The following ME3 variants were observed in gnomAD, a reference collection of about 807,000 sequenced individuals.
The protein encoded by ME3 is malic enzyme 3.
Under a neutral mutation model 68.9 loss-of-function variants are expected in ME3, and 48 were observed. That is an observed-to-expected ratio of 0.70 (90% CI 0.55 to 0.89). The LOEUF (loss-of-function observed/expected upper bound fraction) is 0.89. Ranked by LOEUF, ME3 falls within the 40% of genes least tolerant of loss-of-function variation. ME3 has a pLI of 0.00. For synonymous variants in ME3, 320 were observed against 318.8 expected (o/e 1.00, Z -0.04); for missense variants, 675 against 797.4 (o/e 0.85, Z 1.85).
At chr11:86,512,098 C>T (rs998389001) in intron 4 of ME3, among the ~76,000 whole-genome samples, 1 of 152,302 alleles carries the variant, frequency 6.6e-6, no homozygotes, top group Middle Eastern at 3.4e-3. Flanking sequence ...GTTAATTAAA[C>T]CCTTCCTTTA....
chr11:86,660,871 T>C (rs970832112), intron 2 of ME3, among the ~76,000 whole-genome samples: 4 of 152,182 alleles, frequency 2.6e-5, no homozygotes, highest in African/African-American at 9.7e-5. Context: ...ATTTGTATGA[T>C]GAAATAAAAG....
chr11:86,605,830 T>C (rs1961547134), intron 2 of ME3, among the ~76,000 whole-genome samples: 1 of 152,004 alleles, frequency 6.6e-6, no homozygotes, highest in African/African-American at 2.4e-5. Context: ...CCAGACAGCC[T>C]CATTCCAAAC....
chr11:86,651,340 C>A (rs1945410890), intron 2 of ME3, among the ~76,000 whole-genome samples: 1 of 152,214 alleles, frequency 6.6e-6, no homozygotes, highest in South Asian at 2.1e-4. Context: ...TGGGAGGCAC[C>A]CCCAAGTAGG....
At chr11:86,555,103 G>C (rs568477568) in intron 4 of ME3, among the ~76,000 whole-genome samples, 2 of 152,130 alleles carry the variant, frequency 1.3e-5, no homozygotes, top group Non-Finnish European at 2.9e-5. Context: ...GGAGTTTGAG[G>C]CAGACAGGAC....
intron 4 of ME3, among the ~76,000 whole-genome samples, chr11:86,544,985 C>T (rs968680069): frequency 6.6e-6 from 1 of 152,180 alleles, no homozygotes; most frequent in Non-Finnish European, 1.5e-5. Context: ...ACGATCAAGT[C>T]GGCTTCATCC....
chr11:86,649,131 T>A (rs1945231223), intron 2 of ME3, among the ~76,000 whole-genome samples: 1 of 152,212 alleles, frequency 6.6e-6, no homozygotes, highest in Non-Finnish European at 1.5e-5. Flanking sequence ...TCAACTTGGC[T>A]TCATCCCTGG....
downstream of ME3, chr11:86,436,728 G>A (rs941301799): frequency 6.6e-6 from 1 of 151,988 alleles, no homozygotes; most frequent in Non-Finnish European, 1.5e-5. Flanking sequence ...AGGTGTCTAA[G>A]TTAACTTTTT....
chr11:86,547,095 G>A (rs375596568), intron 4 of ME3, among the ~76,000 whole-genome samples: 8 of 151,848 alleles, frequency 5.3e-5, no homozygotes, highest in Non-Finnish European at 2.9e-5. Context: ...AAAATTAGCC[G>A]GGTATGGTGG....
At chr11:86,658,186 C>T (rs750937766) in intron 2 of ME3, among the ~76,000 whole-genome samples, 1 of 151,530 alleles carries the variant, frequency 6.6e-6, no homozygotes, top group South Asian at 2.1e-4. Flanking sequence ...GTGCAGGGCG[C>T]GATCTTGGCG....
chr11:86,625,342 A>G (rs1180944941), intron 2 of ME3, among the ~76,000 whole-genome samples: 1 of 151,914 alleles, frequency 6.6e-6, no homozygotes, highest in Non-Finnish European at 1.5e-5. Context: ...CATACATCCT[A>G]GATAACTCAA....
rs182062890 is a variant in ME3, at chr11:86,571,946, G to A, written c.184-12123C>T. 1.1e-3 allele frequency among the ~76,000 whole-genome samples: 165 copies of A among 152,364 alleles called. 1 individual carries two copies. Among genetic ancestry groups the A allele is most frequent in the African/African-American group, 3.5e-3 (147 of 41,580 alleles). Reference sequence around the variant, plus strand: ...CTCCTCCAAGGAAGGGAAGTTTAACGATGTGAGGCTAAGGGGAAACTTCAG... The same window carrying A: ...CTCCTCCAAGGAAGGGAAGTTTAACAATGTGAGGCTAAGGGGAAACTTCAG... On this transcript the variant is annotated intron_variant, in intron 2 of 14. Transcript: ENST00000543262.
intron 2 of ME3, among the ~76,000 whole-genome samples, chr11:86,634,271 C>T (rs1043521969): frequency 3.3e-5 from 5 of 152,178 alleles, no homozygotes; most frequent in East Asian, 1.9e-4. Context: ...GGAGCCAGAG[C>T]TTGGGTTCAT....
At chr11:86,654,637 AT>A (rs1363710243) in intron 2 of ME3, among the ~76,000 whole-genome samples, 1 of 152,238 alleles carries the variant, frequency 6.6e-6, no homozygotes, top group Admixed American at 6.5e-5. Context: ...CACAGCCAAT[AT>A]CATACTGAAT....
At position 86,480,598 on chromosome 11, in the gene ME3, T is replaced by A. The variant is rs192196793; in HGVS notation, c.809+6739A>T. Among the ~76,000 whole-genome samples the A allele has an allele frequency of 2.2e-4, 33 of 152,336 alleles. 1 individual carries two copies. The East Asian group carries it at 6.2e-3, about 29-fold the overall frequency. On this transcript the variant is annotated intron_variant, in intron 7 of 14. Transcript: ENST00000543262. ...TGAAGTCAAGGCACTTTGTGGGGAA[T>A]CAGGCCCAACATGTGCCTGCTTGTG...
intron 4 of ME3, among the ~76,000 whole-genome samples, chr11:86,553,964 T>C (rs1472444196): frequency 6.6e-6 from 1 of 152,218 alleles, no homozygotes; most frequent in African/African-American, 2.4e-5. Flanking sequence ...TTATAAACTA[T>C]GTGTGACTTT....
chr11:86,665,830 TGAAA>T (rs111978401), intron 2 of ME3, among the ~76,000 whole-genome samples: 30,386 of 151,882 alleles, frequency 0.2, 3,125 homozygotes, highest in African/African-American at 0.25. Context: ...ATAAGGGGTC[TGAAA>T]GAAAGAGAGT....
At chr11:86,616,639 A>T (rs1351153403) in intron 2 of ME3, among the ~76,000 whole-genome samples, 1 of 152,160 alleles carries the variant, frequency 6.6e-6, no homozygotes, top group Non-Finnish European at 1.5e-5. Flanking sequence ...TCATAACTTC[A>T]GTCTAATAAT....
At chr11:86,452,952 T>C (rs564138967) in intron 8 of ME3, among the ~76,000 whole-genome samples, 1 of 152,260 alleles carries the variant, frequency 6.6e-6, no homozygotes, top group South Asian at 2.1e-4. Flanking sequence ...GTTGGAAAAA[T>C]AGTTGAATGT....
chr11:86,552,277 G>T (rs139572067), intron 4 of ME3, among the ~76,000 whole-genome samples: 1 of 152,330 alleles, frequency 6.6e-6, no homozygotes, highest in Non-Finnish European at 1.5e-5. Flanking sequence ...GGCCAAGCCT[G>T]CCTGGCTTCA....
Sources: gnomAD v4.1 joint callset for allele counts (sites outside exome capture counted in the v4.1 genomes callset) on GRCh38, gnomAD v4.1.1 for gene constraint, MANE v1.5 for transcripts, NCBI Gene and HGNC (gene_info 2026-07-23, HGNC 2026-07-21) for gene names.